Variants in ARHGEF10L observed in about 807,000 individuals in gnomAD.
ARHGEF10L encodes Rho guanine nucleotide exchange factor 10 like.
Under a neutral mutation model 141.2 loss-of-function variants are expected in ARHGEF10L, and 69 were observed. The ratio of observed to expected loss-of-function variants is 0.49; its 90% CI spans 0.40 to 0.60. ARHGEF10L has a LOEUF of 0.60. ARHGEF10L is among the 20% of genes least tolerant of loss of function. The pLI, the probability that ARHGEF10L is intolerant of heterozygous loss-of-function variation, is 0.00. For synonymous variants in ARHGEF10L, 711 were observed against 718.5 expected (o/e 0.99, Z 0.17); for missense variants, 1,482 against 1,734.3 (o/e 0.85, Z 2.58).
chr1:17,584,346 A>G (rs890570706), intron 2 of ARHGEF10L, among the ~76,000 whole-genome samples: 15 of 152,166 alleles, frequency 9.9e-5, no homozygotes, highest in African/African-American at 3.6e-4. Context: ...CACCCAGCCT[A>G]TGTTTTAAAC....
chr1:17,557,300 G>A (rs902725342), intron 1 of ARHGEF10L, among the ~76,000 whole-genome samples: 2 of 150,100 alleles, frequency 1.3e-5, no homozygotes, highest in Non-Finnish European at 3.0e-5. Flanking sequence ...GCAAGATTGT[G>A]CCATTGCACT....
chr1:17,612,722 T>C (rs1238112808), intron 7 of ARHGEF10L, among the ~76,000 whole-genome samples: 1 of 152,204 alleles, frequency 6.6e-6, no homozygotes, highest in Non-Finnish European at 1.5e-5. Context: ...GAAGACACAG[T>C]TCTTGCCCTC....
In ARHGEF10L at chr1:17,664,319, G is replaced by C. The variant is rs528341406; in HGVS notation, c.2861-128G>C. ...ACAGCCACCACCCAGCTGATGGAGA[G>C]AGAAAGGCCCTGGAGAGCGGGGAGA... On this transcript the variant is annotated intron_variant, in intron 25 of 28. Coordinates refer to ENST00000361221, the MANE Select transcript of ARHGEF10L (RefSeq NM_018125.4). The C allele has an allele frequency of 2.6e-4, 277 of 1,085,764 alleles. No homozygotes were observed. The African/African-American group carries it at 4.0e-3, about 16-fold the overall frequency. The allele number at this position is 1,085,764 out of a possible 1,614,324, so 67.3% of individuals were successfully genotyped here.
At position 17,689,309 on chromosome 1, in the gene ARHGEF10L, T is replaced by G. The variant is rs376898482; in HGVS notation, c.3184+1562T>G. On this transcript the variant is annotated intron_variant, in intron 27 of 28. Transcript: ENST00000361221. Reference sequence around the variant, plus strand: ...GTAGGTCCCAGCTCAGGGACTGTTATGAGGATAAATGCTGGTGGGCTGGGA... The same window carrying G: ...GTAGGTCCCAGCTCAGGGACTGTTAGGAGGATAAATGCTGGTGGGCTGGGA... Among the ~76,000 whole-genome samples the G allele has an allele frequency of 2.0e-5, 3 of 152,048 alleles. No homozygotes were observed. In the South Asian group the frequency reaches 6.2e-4, roughly 32 times the overall value.
At chr1:17,518,745 TTGTTC>T in the ARHGEF10L span, among the ~76,000 whole-genome samples, 1 of 141,730 alleles carries the variant, frequency 7.1e-6, no homozygotes, top group Admixed American at 7.4e-5. Flanking sequence ...TGAGCCAAGA[TTGTTC>T]CAAGTGGAAC....
At chr1:17,645,757 G>A (rs2061563838) in intron 21 of ARHGEF10L, among the ~76,000 whole-genome samples, 1 of 152,228 alleles carries the variant, frequency 6.6e-6, no homozygotes, top group South Asian at 2.1e-4. Context: ...CGCCCCCGTG[G>A]GTTAGTTCCT....
In ARHGEF10L at chr1:17,639,998, G is replaced by A. The variant is rs1290348931; in HGVS notation, c.2172-204G>A. The A allele has an allele frequency of 6.8e-7, 1 of 1,479,260 alleles. No homozygotes were observed. The highest frequency in any genetic ancestry group is 1.4e-5 in the African/African-American group (1 of 71,390). The allele number at this position is 1,479,260 out of a possible 1,614,324, so 91.6% of individuals were successfully genotyped here. The stretch of plus-strand genomic sequence containing the variant: ...CCTGGCCAGGTACCTCCCTCTGGGG[G>A]TCATTGTGGGCGGAGGGATTCCTCC... On this transcript the variant is annotated intron_variant, in intron 20 of 28. Coordinates refer to ENST00000361221, the MANE Select transcript of ARHGEF10L (RefSeq NM_018125.4). The surrounding 1 kb of genome is among the most constrained non-coding windows in gnomAD (Gnocchi z 4.3).
chr1:17,614,082 C>G (rs909290998), intron 8 of ARHGEF10L, among the ~76,000 whole-genome samples: 1 of 152,222 alleles, frequency 6.6e-6, no homozygotes, highest in Non-Finnish European at 1.5e-5. Flanking sequence ...GTCAAGTACC[C>G]GGCTAGTGGC....
chr1:17,541,864 G>A, intron 1 of ARHGEF10L, among the ~76,000 whole-genome samples: 1 of 152,190 alleles, frequency 6.6e-6, no homozygotes, highest in East Asian at 1.9e-4. Flanking sequence ...CTACTCGGGA[G>A]GCTGAAGCAG....
chr1:17,691,669 C>A (rs2065119091), intron 27 of ARHGEF10L, among the ~76,000 whole-genome samples: 1 of 151,792 alleles, frequency 6.6e-6, no homozygotes, highest in Non-Finnish European at 1.5e-5. Context: ...ATACTATGGG[C>A]TAAGAGCTGT....
chr1:17,566,233 A>G (rs1035068502), intron 1 of ARHGEF10L, among the ~76,000 whole-genome samples: 1 of 152,064 alleles, frequency 6.6e-6, no homozygotes, highest in Non-Finnish European at 1.5e-5. Flanking sequence ...CCTGTGCCCT[A>G]AAGGATGTTT....
chr1:17,693,356 G>C (rs367622344), intron 27 of ARHGEF10L, among the ~76,000 whole-genome samples: 104 of 152,324 alleles, frequency 6.8e-4, no homozygotes, highest in African/African-American at 2.4e-3. Context: ...TGTGGGGTCT[G>C]CCATGCAGTA....
chr1:17,642,216 G>T (rs1230895563), intron 21 of ARHGEF10L, among the ~76,000 whole-genome samples: 1 of 152,140 alleles, frequency 6.6e-6, no homozygotes, highest in East Asian at 1.9e-4. Context: ...CATAGAGCTG[G>T]GCTGGGGCTG....
intron 4 of ARHGEF10L, among the ~76,000 whole-genome samples, chr1:17,589,106 G>A (rs2079315397): frequency 6.6e-6 from 1 of 152,116 alleles, no homozygotes; most frequent in Non-Finnish European, 1.5e-5. Flanking sequence ...CTGCGTCTTG[G>A]CTGTGGCCCC....
In ARHGEF10L at chr1:17,656,764, C is replaced by G; in HGVS notation, c.2860+56C>G. 1 of 1,566,284 alleles carries G rather than the reference C, an allele frequency of 6.4e-7. No individual in the cohort carries two copies. The highest frequency in any genetic ancestry group is 1.2e-5 in the South Asian group (1 of 84,780). ...GCAGTCCTGGATGCCAGCTGGGTGCCAGATTCTCTACCAAGAGAGGATACA... is the reference window on the plus strand; with the variant it reads ...GCAGTCCTGGATGCCAGCTGGGTGCGAGATTCTCTACCAAGAGAGGATACA... On this transcript the variant is annotated intron_variant, in intron 25 of 28. Coordinates refer to ENST00000361221, the MANE Select transcript of ARHGEF10L (RefSeq NM_018125.4). This position sits in a 1 kb window ranked among gnomAD's most constrained non-coding sequence, Gnocchi z 4.9.
chr1:17,526,430 G>A, the ARHGEF10L span, among the ~76,000 whole-genome samples: 1 of 152,220 alleles, frequency 6.6e-6, no homozygotes, highest in Non-Finnish European at 1.5e-5. Context: ...GTTGGGTTCA[G>A]ATCTCAGCTC....
At chr1:17,543,086 TTC>T (rs1349680432) in intron 1 of ARHGEF10L, among the ~76,000 whole-genome samples, 2 of 152,200 alleles carry the variant, frequency 1.3e-5, no homozygotes, top group African/African-American at 4.8e-5. Context: ...AGAGTTCTTC[TTC>T]TCTCTACCTC....
At chr1:17,633,382 C>G (rs1451448831) in intron 16 of ARHGEF10L, among the ~76,000 whole-genome samples, 1 of 152,202 alleles carries the variant, frequency 6.6e-6, no homozygotes, top group African/African-American at 2.4e-5. Context: ...CTTGCTCTGT[C>G]TCCCAGGCTG....
intron 26 of ARHGEF10L, among the ~76,000 whole-genome samples, chr1:17,666,218 C>T (rs1421724843): frequency 6.6e-6 from 1 of 152,248 alleles, no homozygotes; most frequent in Non-Finnish European, 1.5e-5. Context: ...CCTCGTGGCT[C>T]AGTCAAGTTG....
Sources: allele counts gnomAD v4.1 joint callset (sites outside exome capture counted in the v4.1 genomes callset), GRCh38; gene constraint gnomAD v4.1.1; non-coding constraint Gnocchi (gnomAD v3.1); transcripts MANE v1.5; gene names NCBI Gene and HGNC (gene_info 2026-07-23, HGNC 2026-07-21).